MAF: variants seen among roughly 807,000 people sequenced by gnomAD.
MAF encodes the protein MAF bZIP transcription factor.
MAF carries 10 observed loss-of-function variants against 22.0 expected under a neutral mutation model. The ratio of observed to expected loss-of-function variants is 0.45; its 90% CI spans 0.28 to 0.77. MAF has a LOEUF of 0.77. Ranked by LOEUF, MAF falls within the 30% of genes least tolerant of loss-of-function variation. The probability of loss-of-function intolerance (pLI) is 0.12; values close to 1 mark genes in which losing one functional copy is unlikely to be tolerated. For missense variants in MAF, 544 were observed against 548.4 expected (o/e 0.99, Z 0.08); for synonymous variants, 337 against 255.8 (o/e 1.32, Z -3.03).
At chr16:79,548,491 C>T in the MAF span, among the ~76,000 whole-genome samples, 1 of 152,184 alleles carries the variant, frequency 6.6e-6, no homozygotes, top group African/African-American at 2.4e-5. Flanking sequence ...GGTCTTCAAT[C>T]TCTGGATTTA....
At chr16:79,275,479 T>G in the MAF span, among the ~76,000 whole-genome samples, 1 of 152,196 alleles carries the variant, frequency 6.6e-6, no homozygotes. Flanking sequence ...ACTGACTTCA[T>G]AAAGATGAGA....
intron 1 of MAF, chr16:79,596,315 T>C (rs1269774266): frequency 2.8e-6 from 3 of 1,059,788 alleles, no homozygotes; most frequent in East Asian, 5.2e-5. Flanking sequence ...AATCAGTATA[T>C]GGGGCCAGCC....
the MAF span, among the ~76,000 whole-genome samples, chr16:79,240,487 G>GA: frequency 8.0e-3 from 487 of 60,646 alleles, 117 homozygotes; most frequent in East Asian, 0.02. Flanking sequence ...AGCATCTCTG[G>GA]AAAAAAAAAA....
At chr16:79,480,669 C>T in the MAF span, among the ~76,000 whole-genome samples, 1 of 152,126 alleles carries the variant, frequency 6.6e-6, no homozygotes, top group Non-Finnish European at 1.5e-5. Context: ...ATCTCAGAAG[C>T]CAGGAACAGA....
chr16:79,560,703 G>A, the MAF span, among the ~76,000 whole-genome samples: 1 of 151,968 alleles, frequency 6.6e-6, no homozygotes, highest in Admixed American at 6.6e-5. Context: ...ACACACAACA[G>A]GAATGAGCCT....
At chr16:79,508,782 G>C in the MAF span, among the ~76,000 whole-genome samples, 4 of 152,196 alleles carry the variant, frequency 2.6e-5, no homozygotes, top group Non-Finnish European at 5.9e-5. Context: ...ATGTCTCATA[G>C]GTTTCTATTT....
At chr16:79,466,926 A>G in the MAF span, among the ~76,000 whole-genome samples, 1 of 152,214 alleles carries the variant, frequency 6.6e-6, no homozygotes, top group Non-Finnish European at 1.5e-5. Flanking sequence ...CCACGGAGGA[A>G]TCAGGTTTCC....
At chr16:79,290,690 T>G in the MAF span, among the ~76,000 whole-genome samples, 2 of 152,136 alleles carry the variant, frequency 1.3e-5, no homozygotes, top group African/African-American at 4.8e-5. Context: ...TGAGACACTG[T>G]GTGATCTGTC....
chr16:79,531,976 C>T, the MAF span, among the ~76,000 whole-genome samples: 13 of 152,126 alleles, frequency 8.5e-5, no homozygotes, highest in African/African-American at 2.4e-4. Context: ...CTCTTAGGAA[C>T]ATGCCCCAGC....
the MAF span, among the ~76,000 whole-genome samples, chr16:79,324,757 T>C: frequency 6.6e-6 from 1 of 152,184 alleles, no homozygotes; most frequent in African/African-American, 2.4e-5. Flanking sequence ...GAAGGGGGAC[T>C]GTATTTGTTT....
At chr16:79,337,983 C>A in the MAF span, among the ~76,000 whole-genome samples, 2 of 152,106 alleles carry the variant, frequency 1.3e-5, no homozygotes, top group Non-Finnish European at 2.9e-5. Flanking sequence ...TGAATGGGCA[C>A]CAGCTTTGTG....
chr16:79,565,112 C>T, the MAF span, among the ~76,000 whole-genome samples: 4 of 152,144 alleles, frequency 2.6e-5, no homozygotes, highest in Non-Finnish European at 5.9e-5. Context: ...TAACTAGTCC[C>T]AGGGTGTTCA....
the MAF span, among the ~76,000 whole-genome samples, chr16:79,313,511 G>C: frequency 2.0e-5 from 3 of 152,166 alleles, no homozygotes; most frequent in Admixed American, 2.0e-4. Flanking sequence ...ATCACCCAAA[G>C]AGAACAACCC....
At chr16:79,584,939 T>C (rs1912748068), downstream of MAF, among the ~76,000 whole-genome samples, 1 of 152,226 alleles carries the variant, frequency 6.6e-6, no homozygotes, top group African/African-American at 2.4e-5. Context: ...CTCAACTCAC[T>C]GGATCCTTAA....
chr16:79,512,419 C>G, the MAF span, among the ~76,000 whole-genome samples: 1 of 152,150 alleles, frequency 6.6e-6, no homozygotes, highest in Non-Finnish European at 1.5e-5. Context: ...GGGTCCACTC[C>G]TAGGCCAGCG....
At chr16:79,422,340 T>G in the MAF span, among the ~76,000 whole-genome samples, 5 of 152,172 alleles carry the variant, frequency 3.3e-5, no homozygotes, top group African/African-American at 7.2e-5. Flanking sequence ...GGCCAGAGGT[T>G]TTCTTCTGTT....
At chr16:79,235,869 C>T in the MAF span, among the ~76,000 whole-genome samples, 6 of 152,018 alleles carry the variant, frequency 3.9e-5, no homozygotes, top group South Asian at 4.2e-4. Flanking sequence ...TAGTGGAATT[C>T]AGAAGCAAGA....
At chr16:79,546,595 A>G in the MAF span, among the ~76,000 whole-genome samples, 1 of 152,244 alleles carries the variant, frequency 6.6e-6, no homozygotes, top group South Asian at 2.1e-4. Context: ...AGGACAGATT[A>G]ACTCATTCTT....
the MAF span, among the ~76,000 whole-genome samples, chr16:79,367,982 G>A: frequency 8.1e-4 from 124 of 152,254 alleles, no homozygotes; most frequent in Non-Finnish European, 1.2e-3. Context: ...GATGCTCTAC[G>A]TCATCACAAA....
Sources: allele counts gnomAD v4.1 joint callset (sites outside exome capture counted in the v4.1 genomes callset), GRCh38; gene constraint gnomAD v4.1.1; transcripts MANE v1.5; gene names NCBI Gene and HGNC (gene_info 2026-07-23, HGNC 2026-07-21).